Variants in OTOGL observed in about 807,000 individuals in gnomAD.
OTOGL encodes otogelin-like protein.
In OTOGL, 285 loss-of-function variants were observed where a neutral mutation model predicts 318.5. The ratio of observed to expected loss-of-function variants is 0.89; its 90% confidence interval spans 0.81 to 0.99. OTOGL has a LOEUF of 0.99. Ranked by LOEUF, OTOGL falls within the 50% of genes least tolerant of loss-of-function variation. The pLI is 0.00. For missense variants in OTOGL, 2,899 were observed against 2,845.6 expected, an observed-to-expected ratio of 1.02 and a Z score of -0.43; for synonymous variants, 987 against 936.5, an observed-to-expected ratio of 1.05 and a Z score of -0.99.
In OTOGL at chr12:80,170,211, GTGTATGTA is replaced by G. The variant is rs1301890436; in HGVS notation, c.-19-39198_-19-39191del. ...TGTGTGTGTGTGTGTGTGTGTGTGT[GTGTATGTA>G]TGTGTGTGTGTGTATGTATGTATGT... On this transcript the variant is annotated intron_variant, in intron 1 of 58. Transcript: ENST00000547103. 3.8e-4 allele frequency among the ~76,000 whole-genome samples: 41 copies of G among 108,118 alleles called. 1 individual carries two copies. Among genetic ancestry groups the G allele is most frequent in the African/African-American group, 1.9e-3 (35 of 18,778 alleles). 70.9% of individuals were successfully genotyped at this position (108,118 alleles called of 152,430 possible). A position where few individuals can be genotyped will look rare whatever the true frequency, so the allele number is the denominator to read the frequency against.
At position 80,310,720 on chromosome 12, in the gene OTOGL, G is replaced by T; in HGVS notation, c.3443G>T (p.Arg1148Leu). 1.9e-6 allele frequency: 3 copies of T among 1,556,562 alleles called. No homozygotes were observed. The highest frequency in any genetic ancestry group is 2.6e-6 in the Non-Finnish European group (3 of 1,141,004). The stretch of plus-strand genomic sequence containing the variant: ...TACAGTGATATTTTTGCTTCTTGTC[G>T]CAATGTGGTAAATGAATACTTTAAT... ...ILYSDIFASC[R>L]NVIDVTSFAK... The change falls in exon 30 of 59, where the codon CGC becomes CTC. Residue 1148 changes from arginine to leucine, a missense_variant. This residue lies in a region of OTOGL where 2,607 missense variants were observed against 2,524.9 expected (regional missense o/e 1.03). Coordinates refer to ENST00000547103, the MANE Select transcript of OTOGL (RefSeq NM_001378609.3).
rs1064796988 is a variant in OTOGL, at chr12:80,355,885, C to T, written c.5743C>T (p.Arg1915Ter). The T allele has an allele frequency of 1.6e-5, 26 of 1,613,740 alleles. No homozygotes were observed. The highest frequency in any genetic ancestry group is 4.5e-5 in the East Asian group (2 of 44,886). Residue 1915 changes from arginine to a stop codon, truncating the protein, a stop_gained, in exon 47 of 59, where the codon CGA becomes TGA. Transcript: ENST00000547103. LOFTEE classifies it high-confidence loss of function. The stretch of plus-strand genomic sequence containing the variant: ...TGAAGAGCCCACGCCAGTTTGTGAA[C>T]GAGAAGCTGAAGTTGTCATGGGCAT... ...CDEEPTPVCE[R>*]EAEVVMGIID...
At chr12:80,145,843 G>T (rs1018876708) in intron 1 of OTOGL, among the ~76,000 whole-genome samples, 12 of 151,874 alleles carry the variant, frequency 7.9e-5, no homozygotes, top group Non-Finnish European at 8.8e-5. Context: ...GTTCACTCAT[G>T]ATTTGGCTCT....
chr12:80,330,946 A>C (rs1888029605), intron 37 of OTOGL, among the ~76,000 whole-genome samples: 1 of 152,246 alleles, frequency 6.6e-6, no homozygotes, highest in Admixed American at 6.5e-5. Flanking sequence ...TTGTACCATA[A>C]AAGCTATGAA....
intron 1 of OTOGL, among the ~76,000 whole-genome samples, chr12:80,200,194 T>A (rs1382290944): frequency 2.0e-5 from 3 of 152,216 alleles, no homozygotes; most frequent in African/African-American, 7.2e-5. Context: ...GTGACAGGTA[T>A]ACACATGAAA....
At chr12:80,175,707 G>A (rs1210603376) in intron 1 of OTOGL, among the ~76,000 whole-genome samples, 1 of 152,166 alleles carries the variant, frequency 6.6e-6, no homozygotes, top group Non-Finnish European at 1.5e-5. Context: ...CACTTCAGGT[G>A]TGGTTCTTGT....
At chr12:80,247,115 C>A (rs1326541141) in intron 11 of OTOGL, among the ~76,000 whole-genome samples, 2 of 140,400 alleles carry the variant, frequency 1.4e-5, no homozygotes, top group Non-Finnish European at 3.0e-5. Flanking sequence ...AAAAAACCAG[C>A]TCCTGGATTC....
At chr12:80,201,362 G>T (rs1028633238) in intron 1 of OTOGL, among the ~76,000 whole-genome samples, 1 of 152,158 alleles carries the variant, frequency 6.6e-6, no homozygotes, top group South Asian at 2.1e-4. Context: ...TCCAATCATG[G>T]TGGAAGGTGT....
At chr12:80,226,199 C>T (rs1251987364) in intron 7 of OTOGL, among the ~76,000 whole-genome samples, 1 of 151,128 alleles carries the variant, frequency 6.6e-6, no homozygotes, top group African/African-American at 2.4e-5. Context: ...CACACACACA[C>T]ACACACACAC....
intron 1 of OTOGL, among the ~76,000 whole-genome samples, chr12:80,160,522 C>T (rs1168482933): frequency 6.6e-6 from 1 of 152,052 alleles, no homozygotes; most frequent in South Asian, 2.1e-4. Flanking sequence ...CAAATCAAAA[C>T]CACAATGCAA....
intron 1 of OTOGL, among the ~76,000 whole-genome samples, chr12:80,178,750 A>C (rs1874714806): frequency 1.3e-5 from 2 of 152,218 alleles, no homozygotes; most frequent in East Asian, 3.9e-4. Flanking sequence ...CTGGGGAGTT[A>C]AATCTGGTCT....
At chr12:80,176,575 C>T (rs1490782602) in intron 1 of OTOGL, among the ~76,000 whole-genome samples, 2 of 151,956 alleles carry the variant, frequency 1.3e-5, no homozygotes, top group East Asian at 3.9e-4. Flanking sequence ...CTTGCATGTA[C>T]CAATTATTTT....
At chr12:80,218,382 C>G (rs753469653) in intron 5 of OTOGL, among the ~76,000 whole-genome samples, 2 of 152,156 alleles carry the variant, frequency 1.3e-5, no homozygotes, top group Non-Finnish European at 2.9e-5. Context: ...CATTTTAGAT[C>G]AGTGGATCTT....
chr12:80,196,615 G>A (rs542626304), intron 1 of OTOGL, among the ~76,000 whole-genome samples: 20 of 152,212 alleles, frequency 1.3e-4, no homozygotes, highest in African/African-American at 3.4e-4. Context: ...ATCGTTCCCC[G>A]GAGGCATGTT....
rs545680971 is a variant in OTOGL, at chr12:80,290,124, TGGCTA to T, written c.2929-6700_2929-6696del. ...TAGCACAGCCCTTCATGGCTTCCCT[TGGCTA>T]GGGGAGGGGTTTCCCTGGTTCCCTG... On this transcript the variant is annotated intron_variant, in intron 26 of 58. Coordinates refer to ENST00000547103, the MANE Select transcript of OTOGL (RefSeq NM_001378609.3). Among the ~76,000 whole-genome samples, 10 of 152,300 alleles carry T rather than the reference TGGCTA, an allele frequency of 6.6e-5. 1 individual carries two copies. The South Asian group carries it at 2.1e-3, about 32-fold the overall frequency.
intron 5 of OTOGL, among the ~76,000 whole-genome samples, chr12:80,218,272 AT>A (rs1363566718): frequency 2.6e-5 from 4 of 152,026 alleles, no homozygotes; most frequent in East Asian, 3.9e-4. Flanking sequence ...GAAAAACATC[AT>A]TTTTTTTCTA....
At chr12:80,237,145 A>G (rs1879940390) in intron 9 of OTOGL, among the ~76,000 whole-genome samples, 1 of 151,998 alleles carries the variant, frequency 6.6e-6, no homozygotes, top group African/African-American at 2.4e-5. Context: ...TAATCTCTTT[A>G]ATAAATTTCA....
At chr12:80,337,483 G>GA (rs769049819) in intron 42 of OTOGL, among the ~76,000 whole-genome samples, 1 of 151,854 alleles carries the variant, frequency 6.6e-6, no homozygotes, top group Non-Finnish European at 1.5e-5. Flanking sequence ...AGAAAAATAT[G>GA]AAAAAATATT....
intron 21 of OTOGL, 129 bp downstream of exon 21, chr12:80,266,745 C>G: frequency 1.1e-6 from 1 of 940,394 alleles, no homozygotes; most frequent in Non-Finnish European, 1.5e-6. Context: ...TTTAAAAAAC[C>G]CTGCAAATGT....
Sources: allele counts gnomAD v4.1 joint callset (sites outside exome capture counted in the v4.1 genomes callset), GRCh38; gene constraint gnomAD v4.1.1; regional missense constraint gnomAD v4.1.1; transcripts MANE v1.5; gene names NCBI Gene and HGNC (gene_info 2026-07-23, HGNC 2026-07-21).